LPAR1: variants seen among roughly 807,000 people sequenced by gnomAD.
The protein encoded by LPAR1 is LPA receptor 1.
In LPAR1, 5 loss-of-function variants were observed where a neutral mutation model predicts 23.8. The ratio of observed to expected loss-of-function variants is 0.21; its 90% confidence interval spans 0.11 to 0.44. The LOEUF is 0.44. Ranked by LOEUF, LPAR1 falls within the 20% of genes least tolerant of loss-of-function variation. The pLI, the probability that LPAR1 is intolerant of heterozygous loss-of-function variation, is 0.99. For synonymous variants in LPAR1, 160 were observed against 164.7 expected (o/e 0.97, Z 0.22); for missense variants, 311 against 482.8 (o/e 0.64, Z 3.33).
At chr9:110,949,418 C>T (rs188653655) in intron 4 of LPAR1, among the ~76,000 whole-genome samples, 119 of 152,302 alleles carry the variant, frequency 7.8e-4, no homozygotes, top group African/African-American at 2.7e-3. Context: ...AAGAGTTATA[C>T]ATTGTTTCTA....
intron 5 of LPAR1, among the ~76,000 whole-genome samples, chr9:110,931,781 T>C (rs543335539): frequency 1.1e-4 from 17 of 150,286 alleles, no homozygotes; most frequent in Admixed American, 5.4e-4. Flanking sequence ...AATAGGGAAT[T>C]GTTTCCCCAT....
chr9:110,895,172 T>C (rs571007531), intron 5 of LPAR1, among the ~76,000 whole-genome samples: 18 of 152,328 alleles, frequency 1.2e-4, no homozygotes, highest in African/African-American at 4.1e-4. Context: ...GAACAATTTC[T>C]AAGAGGAATG....
intron 4 of LPAR1, among the ~76,000 whole-genome samples, chr9:110,971,324 G>C (rs2096412908): frequency 6.6e-6 from 1 of 152,150 alleles, no homozygotes; most frequent in African/African-American, 2.4e-5. Context: ...ATGATTACAT[G>C]AGAGGAAACT....
At chr9:110,925,920 T>C (rs960585172) in intron 5 of LPAR1, among the ~76,000 whole-genome samples, 12 of 152,218 alleles carry the variant, frequency 7.9e-5, no homozygotes, top group African/African-American at 2.4e-4. Context: ...ACTGGTTTTT[T>C]TTTGTTTTTT....
At chr9:110,959,682 G>A (rs1022267241) in intron 4 of LPAR1, among the ~76,000 whole-genome samples, 1 of 151,940 alleles carries the variant, frequency 6.6e-6, no homozygotes, top group African/African-American at 2.4e-5. Flanking sequence ...TATATCAAAA[G>A]GATACCTGCA....
chr9:110,973,236 G>C (rs2096476157), intron 3 of LPAR1, among the ~76,000 whole-genome samples: 1 of 152,142 alleles, frequency 6.6e-6, no homozygotes, highest in Non-Finnish European at 1.5e-5. Context: ...GATAAAAGTA[G>C]ACTACCATAA....
chr9:110,880,596 A>G (rs1310859013), intron 5 of LPAR1, among the ~76,000 whole-genome samples: 1 of 152,198 alleles, frequency 6.6e-6, no homozygotes, highest in African/African-American at 2.4e-5. Context: ...TTGTGTTTTT[A>G]CAAAAGAACC....
At chr9:111,028,204 C>T (rs895328065) in intron 2 of LPAR1, among the ~76,000 whole-genome samples, 9 of 151,192 alleles carry the variant, frequency 6.0e-5, no homozygotes, top group African/African-American at 2.2e-4. Flanking sequence ...AAACTCTGCT[C>T]ACTGCAACCT....
intron 4 of LPAR1, among the ~76,000 whole-genome samples, chr9:110,966,609 T>G (rs567168774): frequency 6.6e-6 from 1 of 151,846 alleles, no homozygotes; most frequent in East Asian, 1.9e-4. Flanking sequence ...GTAAAATATT[T>G]TAGAATAAAA....
chr9:110,905,404 G>A (rs1243364449), intron 5 of LPAR1, among the ~76,000 whole-genome samples: 1 of 150,754 alleles, frequency 6.6e-6, no homozygotes, highest in Non-Finnish European at 1.5e-5. Context: ...GGAGTGCAGT[G>A]GCATGATCTT....
chr9:111,003,971 G>A (rs2097172183), intron 2 of LPAR1, among the ~76,000 whole-genome samples: 1 of 152,152 alleles, frequency 6.6e-6, no homozygotes, highest in African/African-American at 2.4e-5. Context: ...ACTCTTAGTA[G>A]TGTCAAAGTC....
At chr9:110,980,980 C>T (rs2096654155) in intron 2 of LPAR1, among the ~76,000 whole-genome samples, 1 of 151,968 alleles carries the variant, frequency 6.6e-6, no homozygotes, top group African/African-American at 2.4e-5. Flanking sequence ...CATTTAATTT[C>T]TTCTGTAAAT....
chr9:111,020,537 T>C (rs1325280502), intron 2 of LPAR1, among the ~76,000 whole-genome samples: 2 of 152,198 alleles, frequency 1.3e-5, no homozygotes, highest in Non-Finnish European at 2.9e-5. Flanking sequence ...ACTTCTCTCT[T>C]AGGGCTATCC....
intron 2 of LPAR1, among the ~76,000 whole-genome samples, chr9:111,032,480 CCTAGTA>C (rs1196567091): frequency 6.6e-6 from 1 of 152,152 alleles, no homozygotes; most frequent in Non-Finnish European, 1.5e-5. Context: ...CACACTCACC[CCTAGTA>C]AAACTAGCAC....
intron 2 of LPAR1, among the ~76,000 whole-genome samples, chr9:111,035,404 T>A (rs1390922520): frequency 6.6e-6 from 1 of 152,086 alleles, no homozygotes; most frequent in Non-Finnish European, 1.5e-5. Flanking sequence ...CTATTTTTTT[T>A]ATAGAGACAG....
chr9:110,964,275 C>A (rs186392081), intron 4 of LPAR1, among the ~76,000 whole-genome samples: 2 of 146,880 alleles, frequency 1.4e-5, no homozygotes, highest in Non-Finnish European at 3.1e-5. Context: ...GTAAACTGAT[C>A]TAATCAATGT....
At chr9:110,930,771 C>T (rs1350851600) in intron 5 of LPAR1, among the ~76,000 whole-genome samples, 4 of 151,678 alleles carry the variant, frequency 2.6e-5, no homozygotes, top group East Asian at 2.0e-4. Flanking sequence ...CAAAATCAGC[C>T]GGGCGTGGTG....
At chr9:110,989,201 G>T (rs2096849472) in intron 2 of LPAR1, among the ~76,000 whole-genome samples, 1 of 152,116 alleles carries the variant, frequency 6.6e-6, no homozygotes, top group Admixed American at 6.6e-5. Flanking sequence ...AGCTTGATTG[G>T]AGTGATGATT....
chr9:111,006,343 T>C (rs888977857), intron 2 of LPAR1, among the ~76,000 whole-genome samples: 3 of 152,168 alleles, frequency 2.0e-5, no homozygotes, highest in African/African-American at 7.2e-5. Context: ...CCAATGGCCA[T>C]TAGGAAGAAA....
Sources: gnomAD v4.1 joint callset for allele counts (sites outside exome capture counted in the v4.1 genomes callset) on GRCh38, gnomAD v4.1.1 for gene constraint, MANE v1.5 for transcripts, NCBI Gene and HGNC (gene_info 2026-07-23, HGNC 2026-07-21) for gene names.